Variants in RBFOX1 observed in about 807,000 individuals in gnomAD.
The protein encoded by RBFOX1 is RNA binding protein fox-1 homolog 1.
RBFOX1 carries 8 observed loss-of-function variants against 57.7 expected under a neutral mutation model. The observed-to-expected ratio is 0.14, with a 90% CI of 0.08 to 0.25. The LOEUF (loss-of-function observed/expected upper bound fraction) is 0.25. Ranked by LOEUF, RBFOX1 falls within the 10% of genes least tolerant of loss-of-function variation. The pLI is 1.00. For missense variants in RBFOX1, 611 were observed against 548.5 expected (o/e 1.11, Z -1.14); for synonymous variants, 326 against 222.4 (o/e 1.47, Z -4.15).
At chr16:5,506,842 T>C (rs1350873039) in intron 2 of RBFOX1, among the ~76,000 whole-genome samples, 1 of 152,102 alleles carries the variant, frequency 6.6e-6, no homozygotes, top group Non-Finnish European at 1.5e-5. Context: ...TCTAAACTCT[T>C]CTCCAGCTAT....
chr16:5,834,787 T>C (rs1450066283), intron 3 of RBFOX1, among the ~76,000 whole-genome samples: 10 of 145,574 alleles, frequency 6.9e-5, no homozygotes, highest in African/African-American at 2.7e-4. Flanking sequence ...GATAGATAGA[T>C]AGATAGATAG....
intron 2 of RBFOX1, among the ~76,000 whole-genome samples, chr16:6,333,933 T>G (rs774300745): frequency 1.7e-4 from 26 of 152,152 alleles, no homozygotes; most frequent in Non-Finnish European, 3.1e-4. Flanking sequence ...GCATAACTAT[T>G]TAGTACCCCG....
chr16:7,498,066 A>T (rs2069288358), intron 4 of RBFOX1, among the ~76,000 whole-genome samples: 1 of 152,186 alleles, frequency 6.6e-6, no homozygotes, highest in Non-Finnish European at 1.5e-5. Context: ...GGTAAAGTGA[A>T]AGTTATGTTC....
intron 1 of RBFOX1, among the ~76,000 whole-genome samples, chr16:5,306,078 G>T (rs563450401): frequency 2.4e-5 from 3 of 127,300 alleles, no homozygotes; most frequent in African/African-American, 7.3e-5. Flanking sequence ...GAGTGCACTG[G>T]GAGTCCCAGC....
At chr16:7,331,431 A>T (rs2096693332) in intron 4 of RBFOX1, among the ~76,000 whole-genome samples, 1 of 152,140 alleles carries the variant, frequency 6.6e-6, no homozygotes, top group African/African-American at 2.4e-5. Flanking sequence ...TATTGCTTTC[A>T]AAATTGTGGA....
At chr16:7,504,200 A>G (rs558343565) in intron 4 of RBFOX1, among the ~76,000 whole-genome samples, 2 of 152,270 alleles carry the variant, frequency 1.3e-5, no homozygotes, top group South Asian at 4.2e-4. Context: ...TATTTATGAA[A>G]TGAAGATAAA....
intron 1 of RBFOX1, among the ~76,000 whole-genome samples, chr16:6,222,299 C>T (rs567011086): frequency 5.3e-5 from 8 of 152,278 alleles, no homozygotes; most frequent in African/African-American, 1.7e-4. Context: ...CTATACCTTG[C>T]TGTCTTCCGC....
chr16:6,495,656 A>G (rs1272551892), intron 2 of RBFOX1, among the ~76,000 whole-genome samples: 1 of 152,196 alleles, frequency 6.6e-6, no homozygotes, highest in Non-Finnish European at 1.5e-5. Context: ...TTTCAGACAG[A>G]TGGATGCCTC....
At chr16:6,186,673 A>G (rs537888515) in intron 1 of RBFOX1, among the ~76,000 whole-genome samples, 1 of 152,298 alleles carries the variant, frequency 6.6e-6, no homozygotes, top group South Asian at 2.1e-4. Flanking sequence ...GAAAGACTGA[A>G]GTCAGGAAAC....
At chr16:5,798,411 C>T (rs1297379926) in intron 3 of RBFOX1, among the ~76,000 whole-genome samples, 4 of 152,134 alleles carry the variant, frequency 2.6e-5, no homozygotes, top group Admixed American at 1.3e-4. Context: ...GAGCTTTGTT[C>T]TAAAGGATGA....
At chr16:5,281,507 A>C (rs1454834275) in intron 1 of RBFOX1, among the ~76,000 whole-genome samples, 2 of 152,192 alleles carry the variant, frequency 1.3e-5, no homozygotes, top group Non-Finnish European at 2.9e-5. Flanking sequence ...TGAACTGTCC[A>C]ATGCTGAGAG....
At chr16:7,044,034 C>T (rs1351320824) in intron 3 of RBFOX1, among the ~76,000 whole-genome samples, 2 of 152,164 alleles carry the variant, frequency 1.3e-5, no homozygotes, top group Non-Finnish European at 2.9e-5. Context: ...TACAAATGTT[C>T]TCTGTATTGT....
At chr16:7,117,184 G>A (rs536531183) in intron 4 of RBFOX1, among the ~76,000 whole-genome samples, 1 of 152,262 alleles carries the variant, frequency 6.6e-6, no homozygotes, top group East Asian at 1.9e-4. Context: ...GTGGCAGGTT[G>A]GAAGACTAGC....
intron 2 of RBFOX1, among the ~76,000 whole-genome samples, chr16:6,457,317 C>A (rs2094797675): frequency 6.6e-6 from 1 of 151,858 alleles, no homozygotes; most frequent in Non-Finnish European, 1.5e-5. Flanking sequence ...GGTCCCTTGC[C>A]AATGGAAGCC....
At chr16:5,971,614 C>T (rs557234474) in intron 4 of RBFOX1, among the ~76,000 whole-genome samples, 28 of 152,246 alleles carry the variant, frequency 1.8e-4, no homozygotes, top group South Asian at 4.2e-4. Context: ...ATTTAATCAA[C>T]GGTTTAAGCC....
chr16:6,298,018 C>T (rs2078341573), intron 1 of RBFOX1, among the ~76,000 whole-genome samples: 1 of 152,196 alleles, frequency 6.6e-6, no homozygotes, highest in Admixed American at 6.5e-5. Context: ...ATGCAGAAAG[C>T]TGTTGCACTG....
chr16:7,554,642 CCT>C (rs886399663), intron 5 of RBFOX1, among the ~76,000 whole-genome samples: 170 of 152,184 alleles, frequency 1.1e-3, no homozygotes, highest in African/African-American at 4.0e-3. Context: ...GCACTTTGAG[CCT>C]CTAACCTTTT....
At chr16:5,964,170 G>A (rs1054719813) in intron 4 of RBFOX1, among the ~76,000 whole-genome samples, 2 of 152,100 alleles carry the variant, frequency 1.3e-5, no homozygotes, top group Admixed American at 6.6e-5. Context: ...GCATGATCAG[G>A]GAGGTTAAAA....
chr16:7,494,819 T>G (rs1219586044), intron 4 of RBFOX1, among the ~76,000 whole-genome samples: 1 of 135,920 alleles, frequency 7.4e-6, no homozygotes, highest in East Asian at 2.1e-4. Context: ...TATCAGGAAC[T>G]GTGTTACCTA....
Sources: allele counts gnomAD v4.1 joint callset (sites outside exome capture counted in the v4.1 genomes callset), GRCh38; gene constraint gnomAD v4.1.1; transcripts MANE v1.5; gene names NCBI Gene and HGNC (gene_info 2026-07-23, HGNC 2026-07-21).